Variants in MSRA observed in about 807,000 individuals in gnomAD.
The protein encoded by MSRA is mitochondrial peptide methionine sulfoxide reductase.
Under a neutral mutation model 31.3 loss-of-function variants are expected in MSRA, and 54 were observed. The observed-to-expected ratio is 1.73, with a 90% CI of 1.39 to 2.17. The LOEUF (loss-of-function observed/expected upper bound fraction) is 2.17. MSRA is among the 30% of genes most tolerant of loss of function. The pLI, the probability that MSRA is intolerant of heterozygous loss-of-function variation, is 0.00. For synonymous variants in MSRA, 169 were observed against 116.5 expected, an observed-to-expected ratio of 1.45 and a Z score of -2.90; for missense variants, 507 against 300.9, an observed-to-expected ratio of 1.69 and a Z score of -5.07.
intron 4 of MSRA, among the ~76,000 whole-genome samples, chr8:10,310,304 T>C (rs565087419): frequency 1.3e-5 from 2 of 152,354 alleles, no homozygotes; most frequent in African/African-American, 4.8e-5. Flanking sequence ...TTTCATTCTT[T>C]TAAGAATTTC....
intron 5 of MSRA, chr8:10,337,666 A>C: frequency 1.4e-6 from 1 of 697,018 alleles, no homozygotes. Flanking sequence ...CATCCGGTGA[A>C]TGATTTTTCA....
chr8:10,059,143 A>G (rs1297162247), intron 1 of MSRA: 1 of 152,206 alleles, frequency 6.6e-6, no homozygotes, highest in Non-Finnish European at 1.5e-5. Context: ...TATTCAATAA[A>G]TGGTATTGGG....
intron 2 of MSRA, among the ~76,000 whole-genome samples, chr8:10,237,159 G>C (rs532852602): frequency 6.6e-6 from 1 of 152,330 alleles, no homozygotes; most frequent in East Asian, 1.9e-4. Flanking sequence ...ACTAGGTTGA[G>C]TTTTTCTCCT....
chr8:10,417,664 G>C (rs1808548248), intron 5 of MSRA, among the ~76,000 whole-genome samples: 1 of 151,496 alleles, frequency 6.6e-6, no homozygotes, highest in Admixed American at 6.6e-5. Context: ...TTTTTTTAAA[G>C]TTTTGATTGA....
intron 3 of MSRA, among the ~76,000 whole-genome samples, chr8:10,267,617 T>C (rs375863854): frequency 9.9e-5 from 15 of 152,168 alleles, no homozygotes; most frequent in African/African-American, 3.4e-4. Context: ...CCCAGAAGTG[T>C]GCTTGCTTTA....
At chr8:10,221,359 A>T (rs1352197799) in intron 2 of MSRA, among the ~76,000 whole-genome samples, 2 of 152,028 alleles carry the variant, frequency 1.3e-5, no homozygotes, top group African/African-American at 4.8e-5. Flanking sequence ...AGGCTGTTAA[A>T]CACTTGTACC....
intron 2 of MSRA, among the ~76,000 whole-genome samples, chr8:10,236,073 A>G (rs987829856): frequency 2.0e-5 from 3 of 152,182 alleles, no homozygotes; most frequent in South Asian, 4.1e-4. Context: ...TAATATTCAG[A>G]ACTCATGCAT....
chr8:10,186,311 GGTTCCT>G (rs1563195663), intron 1 of MSRA, among the ~76,000 whole-genome samples: 1 of 152,140 alleles, frequency 6.6e-6, no homozygotes, highest in African/African-American at 2.4e-5. Flanking sequence ...CAGGCCATAC[GGTTCCT>G]GTCACGATGA....
chr8:10,152,557 G>A (rs1803788899), intron 1 of MSRA, among the ~76,000 whole-genome samples: 1 of 152,168 alleles, frequency 6.6e-6, no homozygotes, highest in South Asian at 2.1e-4. Flanking sequence ...GGGTATCTAG[G>A]TGGATTGGGG....
At position 10,156,070 on chromosome 8, in the gene MSRA, C is replaced by T. The variant is rs530287669; in HGVS notation, c.143-51763C>T. Reference sequence around the variant, plus strand: ...TGATGCGGTAGGAGGATACCTGAAGCCCCTGGGAAGAGTGGCTTCGATGCT... The same window carrying T: ...TGATGCGGTAGGAGGATACCTGAAGTCCCTGGGAAGAGTGGCTTCGATGCT... On this transcript the variant is annotated intron_variant, in intron 1 of 5. Coordinates refer to ENST00000317173, the MANE Select transcript of MSRA (RefSeq NM_012331.5). 4.5e-3 allele frequency among the ~76,000 whole-genome samples: 679 copies of T among 152,164 alleles called. 5 individuals are homozygous for T. Among genetic ancestry groups the T allele is most frequent in the Middle Eastern group, 0.027 (8 of 294 alleles).
At chr8:10,073,787 T>G (rs1032708839) in intron 1 of MSRA, among the ~76,000 whole-genome samples, 5 of 152,166 alleles carry the variant, frequency 3.3e-5, no homozygotes, top group African/African-American at 1.2e-4. Context: ...GGGGTAGTTC[T>G]AACATGTTCT....
chr8:10,343,357 G>A (rs545912138), intron 5 of MSRA, among the ~76,000 whole-genome samples: 1 of 152,364 alleles, frequency 6.6e-6, no homozygotes, highest in African/African-American at 2.4e-5. Context: ...ACGTCATGCA[G>A]GAGTGATCAG....
chr8:10,177,505 C>A (rs1436230292), intron 1 of MSRA, among the ~76,000 whole-genome samples: 1 of 151,948 alleles, frequency 6.6e-6, no homozygotes, highest in Non-Finnish European at 1.5e-5. Context: ...TTGTTATCCA[C>A]CTCTTCTTTG....
chr8:10,231,996 T>G (rs553505029), intron 2 of MSRA, among the ~76,000 whole-genome samples: 1 of 152,346 alleles, frequency 6.6e-6, no homozygotes, highest in East Asian at 1.9e-4. Flanking sequence ...AAAGCCAGTT[T>G]GTTACTTTGA....
At chr8:10,401,548 A>C (rs1807464113) in intron 5 of MSRA, among the ~76,000 whole-genome samples, 1 of 152,234 alleles carries the variant, frequency 6.6e-6, no homozygotes, top group African/African-American at 2.4e-5. Flanking sequence ...ATCCTGCAGC[A>C]ATCTCACGCC....
At chr8:10,073,234 A>T (rs951798273) in intron 1 of MSRA, among the ~76,000 whole-genome samples, 1 of 152,188 alleles carries the variant, frequency 6.6e-6, no homozygotes, top group African/African-American at 2.4e-5. Context: ...ACTATCACAT[A>T]TGATGTCAGC....
At chr8:10,056,023 A>G (rs755187731) in intron 1 of MSRA, among the ~76,000 whole-genome samples, 1 of 152,018 alleles carries the variant, frequency 6.6e-6, no homozygotes, top group South Asian at 2.1e-4. Flanking sequence ...TTTATAAAAT[A>G]TAACCAGATT....
chr8:10,145,756 C>T (rs1165733202), intron 1 of MSRA, among the ~76,000 whole-genome samples: 1 of 152,148 alleles, frequency 6.6e-6, no homozygotes, highest in Non-Finnish European at 1.5e-5. Flanking sequence ...TATAACTGTC[C>T]TGGCTCACTG....
intron 5 of MSRA, chr8:10,353,829 AT>A: frequency 3.7e-6 from 1 of 267,086 alleles, no homozygotes; most frequent in Non-Finnish European, 7.5e-6. Context: ...ATAACAAGAC[AT>A]TTTACCATGT....
Sources: allele counts gnomAD v4.1 joint callset (sites outside exome capture counted in the v4.1 genomes callset), GRCh38; gene constraint gnomAD v4.1.1; transcripts MANE v1.5; gene names NCBI Gene and HGNC (gene_info 2026-07-23, HGNC 2026-07-21).